Variants in CAT observed in about 807,000 individuals in gnomAD.
CAT encodes the protein catalase.
CAT carries 43 observed loss-of-function variants against 59.0 expected under a neutral mutation model. The observed-to-expected ratio is 0.73, with a 90% CI of 0.57 to 0.94. CAT has a LOEUF of 0.94. CAT is among the 40% of genes least tolerant of loss of function. The probability of loss-of-function intolerance (pLI) is 0.00; values close to 1 mark genes in which losing one functional copy is unlikely to be tolerated. For missense variants in CAT, 664 were observed against 682.9 expected (o/e 0.97, Z 0.31); for synonymous variants, 218 against 230.9 (o/e 0.94, Z 0.51).
intron 9 of CAT, among the ~76,000 whole-genome samples, chr11:34,462,418 A>G (rs1294214334): frequency 6.6e-6 from 1 of 152,068 alleles, no homozygotes; most frequent in East Asian, 1.9e-4. Flanking sequence ...ATTTTGCTAT[A>G]TTTATTTATC....
chr11:34,446,640 G>A (rs897022842), intron 1 of CAT, among the ~76,000 whole-genome samples: 2 of 152,140 alleles, frequency 1.3e-5, no homozygotes, highest in Non-Finnish European at 2.9e-5. Context: ...CCCTCCCCAC[G>A]TTAAGAATGC....
intron 8 of CAT, among the ~76,000 whole-genome samples, chr11:34,459,891 T>C (rs1428211416): frequency 1.3e-5 from 2 of 152,226 alleles, no homozygotes; most frequent in East Asian, 3.8e-4. Context: ...AGCTGAGTTT[T>C]GGTCATGGCC....
At chr11:34,451,177 G>A (rs897742276) in intron 3 of CAT, 79 bp downstream of exon 3, 2 of 897,336 alleles carry the variant, frequency 2.2e-6, no homozygotes, top group Non-Finnish European at 3.8e-6. Context: ...TAAAGAAAAA[G>A]TTATTAGAAA....
At chr11:34,440,798 G>A (rs990965906) in intron 1 of CAT, among the ~76,000 whole-genome samples, 3 of 152,050 alleles carry the variant, frequency 2.0e-5, no homozygotes, top group African/African-American at 7.2e-5. Context: ...CCTGACCTCA[G>A]GAGATCTGCC....
At chr11:34,468,009 A>C (rs1172759042) in intron 10 of CAT, among the ~76,000 whole-genome samples, 2 of 152,288 alleles carry the variant, frequency 1.3e-5, no homozygotes, top group East Asian at 3.9e-4. Context: ...AGTATTAAGA[A>C]TGTGGTGAGG....
rs372929400 is a variant in CAT, at chr11:34,456,101, G to A, written c.802G>A (p.Ala268Thr). The change falls in exon 7 of 13, where the codon GCC (alanine) becomes ACC (threonine). Residue 268 changes from alanine (A) to threonine (T), a missense_variant. By Grantham distance (58) the Ala-to-Thr change is moderately conservative. Coordinates refer to ENST00000241052, the MANE Select transcript of CAT (RefSeq NM_001752.4). Reference protein sequence around the residue: ...PDYGIRDLFNAIATGKYPSWT... With the variant: ...PDYGIRDLFNTIATGKYPSWT... The stretch of plus-strand genomic sequence containing the variant: ...CTATGGCATCCGGGATCTTTTTAAC[G>A]CCATTGCCACAGGAAAGTACCCCTC... 5.6e-6 allele frequency: 9 copies of A among 1,613,748 alleles called. No individual in the cohort carries two copies. The East Asian group carries it at 8.9e-5, about 16-fold the overall frequency.
intron 10 of CAT, among the ~76,000 whole-genome samples, chr11:34,466,706 G>A (rs377687594): frequency 1.0e-4 from 15 of 150,258 alleles, no homozygotes; most frequent in Admixed American, 2.7e-4. Flanking sequence ...GCGTGAACCC[G>A]GGAGGCGGAG....
chr11:34,458,040 G>A (rs1198033322), intron 8 of CAT, among the ~76,000 whole-genome samples: 1 of 152,284 alleles, frequency 6.6e-6, no homozygotes, highest in African/African-American at 2.4e-5. Context: ...ATGGTGGACT[G>A]TCTTGGGTGC....
chr11:34,468,584 C>T, intron 11 of CAT, 189 bp downstream of exon 11: 1 of 629,700 alleles, frequency 1.6e-6, no homozygotes, highest in Non-Finnish European at 2.8e-6. Flanking sequence ...TCTGGTCTGG[C>T]ATATCCATCG....
At chr11:34,469,408 G>A (rs1856752019) in intron 11 of CAT, among the ~76,000 whole-genome samples, 1 of 152,196 alleles carries the variant, frequency 6.6e-6, no homozygotes, top group Admixed American at 6.5e-5. Context: ...TGCTGAAACT[G>A]TAAGGCTTTT....
At chr11:34,446,007 C>T (rs1856449873) in intron 1 of CAT, among the ~76,000 whole-genome samples, 1 of 152,136 alleles carries the variant, frequency 6.6e-6, no homozygotes, top group African/African-American at 2.4e-5. Flanking sequence ...TAGCCCCACC[C>T]TCTCATTTCA....
chr11:34,453,202 C>A lies in CAT; in HGVS notation c.585+8C>A. 2 of 1,515,392 alleles carry A rather than the reference C, an allele frequency of 1.3e-6. No homozygotes were observed. Among genetic ancestry groups the A allele is most frequent in the Non-Finnish European group, 9.2e-7 (1 of 1,089,972 alleles). 93.9% of individuals were successfully genotyped at this position (1,515,392 alleles called of 1,614,324 possible). A position where few individuals can be genotyped will look rare whatever the true frequency, so the allele number is the denominator to read the frequency against. On this transcript the variant is annotated splice_region_variant and intron_variant, in intron 5 of 12. Coordinates refer to ENST00000241052, the MANE Select transcript of CAT (RefSeq NM_001752.4). ...CCTGAGTCTCTGCATCAGGTATGAA[C>A]CCTTTTTTGCCATTGTATTATATCA... is the stretch of plus-strand genomic sequence containing the variant.
At chr11:34,471,219 CT>C (rs1467158412) in intron 12 of CAT, 148 bp from the exon 13 acceptor site, 2 of 853,970 alleles carry the variant, frequency 2.3e-6, no homozygotes, top group Non-Finnish European at 3.9e-6. Context: ...AAAACACATA[CT>C]CTTCATTTTA....
Position 34,451,115 on chromosome 11 carries a change from G to C in CAT, c.349+17G>C. 3 of 1,413,258 alleles carry C rather than the reference G, an allele frequency of 2.1e-6. No homozygotes were observed. Among genetic ancestry groups the C allele is most frequent in the Non-Finnish European group, 3.0e-6 (3 of 996,276 alleles). The allele number at this position is 1,413,258 out of a possible 1,614,324, so 87.5% of individuals were successfully genotyped here. On this transcript the variant is annotated intron_variant, in intron 3 of 12. Transcript: ENST00000241052. Reference sequence around the variant, plus strand: ...CCACTGTTGGTAAGTTGGTTTATTGGCGTGATTGGTATGGCTTAACTCAAC... The same window carrying C: ...CCACTGTTGGTAAGTTGGTTTATTGCCGTGATTGGTATGGCTTAACTCAAC...
In CAT at chr11:34,451,020, A is replaced by G. The variant is rs781547702; in HGVS notation, c.271A>G (p.Ile91Val). The G allele has an allele frequency of 4.3e-6, 7 of 1,613,784 alleles. No homozygotes were observed. The South Asian group carries it at 5.5e-5, about 13-fold the overall frequency. ...AFGYFEVTHD[I>V]TKYSKAKVFE... ...TGGCTACTTTGAGGTCACACATGAC[A>G]TTACCAAATACTCCAAGGCAAAGGT... Residue 91 changes from isoleucine (I) to valine (V), a missense_variant, in exon 3 of 13, where the codon ATT becomes GTT. By Grantham distance (29) the Ile-to-Val change is conservative. Transcript: ENST00000241052.
intron 1 of CAT, among the ~76,000 whole-genome samples, chr11:34,442,580 A>C (rs1187448488): frequency 6.6e-6 from 1 of 152,202 alleles, no homozygotes; most frequent in African/African-American, 2.4e-5. Context: ...CAGCCTGGGC[A>C]ACAAGAGTGA....
At chr11:34,459,072 T>C (rs919173950) in intron 8 of CAT, among the ~76,000 whole-genome samples, 5 of 152,174 alleles carry the variant, frequency 3.3e-5, no homozygotes, top group Non-Finnish European at 5.9e-5. Context: ...GTCGAGTTAT[T>C]GTTTCTAGCC....
intron 8 of CAT, 168 bp from the exon 9 acceptor site, chr11:34,461,083 C>A: frequency 1.3e-6 from 1 of 772,808 alleles, no homozygotes; most frequent in Non-Finnish European, 2.3e-6. Flanking sequence ...AGGGAGAACT[C>A]GTTTCATAAG....
chr11:34,453,224 A>G (rs765631159), intron 5 of CAT, 30 bp downstream of exon 5: 2 of 1,247,258 alleles, frequency 1.6e-6, no homozygotes, highest in Non-Finnish European at 2.4e-6. Flanking sequence ...ATTGTATTAT[A>G]TCACCTGGGA....
Sources: allele counts gnomAD v4.1 joint callset (sites outside exome capture counted in the v4.1 genomes callset), GRCh38; gene constraint gnomAD v4.1.1; transcripts MANE v1.5; gene names NCBI Gene and HGNC (gene_info 2026-07-23, HGNC 2026-07-21).